Variants in RMND5A observed in about 807,000 individuals in gnomAD.
The protein encoded by RMND5A is E3 ubiquitin-protein transferase RMND5A.
A neutral mutation model predicts 49.7 loss-of-function variants in RMND5A; 17 were observed. The observed-to-expected ratio is 0.34, with a 90% CI of 0.23 to 0.51. The LOEUF is 0.51. RMND5A is among the 20% of genes least tolerant of loss of function. The pLI is 0.96. For synonymous variants in RMND5A, 156 were observed against 167.7 expected, an observed-to-expected ratio of 0.93 and a Z score of 0.54; for missense variants, 255 against 471.3, an observed-to-expected ratio of 0.54 and a Z score of 4.25.
At chr2:86,757,041 C>T (rs1369687384) in intron 4 of RMND5A, among the ~76,000 whole-genome samples, 15 of 152,086 alleles carry the variant, frequency 9.9e-5, no homozygotes, top group African/African-American at 2.7e-4. Context: ...GGTATGGTGG[C>T]GCATGCCTGT....
intron 1 of RMND5A, among the ~76,000 whole-genome samples, chr2:86,729,356 G>A (rs1285661607): frequency 1.3e-5 from 2 of 151,554 alleles, no homozygotes; most frequent in African/African-American, 2.4e-5. Context: ...TATTTCAACT[G>A]AACTTTAGAT....
chr2:86,724,250 A>G (rs1408560131), intron 1 of RMND5A, among the ~76,000 whole-genome samples: 1 of 95,508 alleles, frequency 1.0e-5, no homozygotes, highest in African/African-American at 4.9e-5. Flanking sequence ...TAATAGAAAC[A>G]TGAAGAGGCA....
intron 4 of RMND5A, among the ~76,000 whole-genome samples, chr2:86,755,360 C>A (rs1681715100): frequency 6.6e-6 from 1 of 152,244 alleles, no homozygotes; most frequent in Non-Finnish European, 1.5e-5. Context: ...CTCAAGTGAT[C>A]CTCCTGGAGC....
At position 86,765,848 on chromosome 2, in the gene RMND5A, G is replaced by A; in HGVS notation, c.689-11G>A. The A allele has an allele frequency of 2.5e-6, 4 of 1,612,188 alleles. No homozygotes were observed. The highest frequency in any genetic ancestry group is 3.4e-6 in the Non-Finnish European group (4 of 1,178,908). ...AGCAAACTAATGCTTTCTTGCTGGT[G>A]CTTTTTTTAGACATTCAGGTTTTGA... On this transcript the variant is annotated splice_polypyrimidine_tract_variant and intron_variant, in intron 5 of 8. Coordinates refer to ENST00000283632, the MANE Select transcript of RMND5A (RefSeq NM_022780.4).
chr2:86,744,465 G>A (rs763719030), intron 2 of RMND5A, among the ~76,000 whole-genome samples: 5 of 152,158 alleles, frequency 3.3e-5, no homozygotes, highest in African/African-American at 7.2e-5. Flanking sequence ...CCACTTTATG[G>A]ACACATGCTC....
chr2:86,728,870 C>A (rs1356023699), intron 1 of RMND5A, among the ~76,000 whole-genome samples: 1 of 74,908 alleles, frequency 1.3e-5, no homozygotes, highest in African/African-American at 6.0e-5. Flanking sequence ...TCCCCTGCCT[C>A]AGCCCCCGAG....
At chr2:86,768,319 G>A (rs148127281) in intron 6 of RMND5A, among the ~76,000 whole-genome samples, 1 of 152,264 alleles carries the variant, frequency 6.6e-6, no homozygotes, top group East Asian at 1.9e-4. Flanking sequence ...CCTGCTATGT[G>A]CCAGGCACTG....
chr2:86,770,177 T>G, intron 7 of RMND5A, 52 bp downstream of exon 7: 1 of 1,232,162 alleles, frequency 8.1e-7, no homozygotes, highest in Non-Finnish European at 1.2e-6. Flanking sequence ...TAGAAGAATA[T>G]GGCATCTTTA....
Position 86,770,032 on chromosome 2 carries a change from A to C in RMND5A, c.864A>C (p.Ala288=). 1 of 1,613,626 alleles carries C rather than the reference A, an allele frequency of 6.2e-7. No homozygotes were observed. Among genetic ancestry groups the C allele is most frequent in the African/African-American group, 1.3e-5 (1 of 75,014 alleles). Residue 288 remains alanine (A), a synonymous_variant, in exon 7 of 9, where the codon GCA becomes GCC. Coordinates refer to ENST00000283632, the MANE Select transcript of RMND5A (RefSeq NM_022780.4). ...VESPLSVSFS[A]GCVALPALIN... ...TCTTCTGCTCTCCCAGTTTCTCAGC[A>C]GGTTGTGTGGCGCTGCCAGCTTTAA...
At chr2:86,721,608 TG>T (rs776521022) in intron 1 of RMND5A, among the ~76,000 whole-genome samples, 20 of 151,232 alleles carry the variant, frequency 1.3e-4, no homozygotes, top group Admixed American at 2.7e-4. Flanking sequence ...TCACCTAGAT[TG>T]TTTTTTTTTT....
At chr2:86,762,747 A>G (rs1672525196) in intron 4 of RMND5A, among the ~76,000 whole-genome samples, 1 of 136,648 alleles carries the variant, frequency 7.3e-6, no homozygotes. Flanking sequence ...ATATATATAT[A>G]TCACACTTTC....
rs1000946323 is a variant in RMND5A, at chr2:86,754,708, G to A, written c.521+1150G>A. On this transcript the variant is annotated intron_variant, in intron 4 of 8. Transcript: ENST00000283632. ...GTAGTTGGGACTACAGGACTGTGCC[G>A]TTATGCCCAGCTAATTAAAAAAAAT... 1.8e-4 allele frequency among the ~76,000 whole-genome samples: 28 copies of A among 151,956 alleles called. No homozygotes were observed. In the South Asian group the frequency reaches 1.9e-3, roughly 10 times the overall value.
intron 2 of RMND5A, among the ~76,000 whole-genome samples, chr2:86,748,903 A>C (rs944867529): frequency 6.6e-6 from 1 of 152,208 alleles, no homozygotes; most frequent in African/African-American, 2.4e-5. Context: ...TAGAAACCTG[A>C]AGGTTGTATT....
chr2:86,763,729 T>C (rs1672544448), intron 4 of RMND5A, among the ~76,000 whole-genome samples: 1 of 151,976 alleles, frequency 6.6e-6, no homozygotes, highest in African/African-American at 2.4e-5. Context: ...TGAGCCACGA[T>C]TACACTACTG....
rs56328788 is a variant in RMND5A at position 86,771,536 on chromosome 2, CTT to C, written c.958-7_958-6del. On this transcript the variant is annotated intron_variant, in intron 7 of 8. Coordinates refer to ENST00000283632, the MANE Select transcript of RMND5A (RefSeq NM_022780.4). ...GTGAAATATGACTTCAGCTTTTTTA[CTT>C]TTTTTTTTTTTTTTAACAGATTGAA... is the stretch of plus-strand genomic sequence containing the variant. 0.1 allele frequency: 135,145 copies of C among 1,319,714 alleles called. 42 individuals carry two copies. Among genetic ancestry groups the C allele is most frequent in the East Asian group, 0.19 (6,606 of 34,466 alleles). The allele number at this position is 1,319,714 out of a possible 1,614,324, so 81.8% of individuals were successfully genotyped here.
intron 1 of RMND5A, among the ~76,000 whole-genome samples, chr2:86,729,695 C>A: frequency 1.1e-5 from 1 of 92,302 alleles, no homozygotes; most frequent in Non-Finnish European, 2.6e-5. Flanking sequence ...GGGAGGATGG[C>A]AAGAACAAAG....
At chr2:86,762,535 C>T (rs939325014) in intron 4 of RMND5A, among the ~76,000 whole-genome samples, 1 of 151,764 alleles carries the variant, frequency 6.6e-6, no homozygotes, top group Non-Finnish European at 1.5e-5. Context: ...GTCCCACCTA[C>T]TTGGGAGGCC....
chr2:86,754,601 C>G (rs1370103101), intron 4 of RMND5A, among the ~76,000 whole-genome samples: 1 of 152,196 alleles, frequency 6.6e-6, no homozygotes, highest in Non-Finnish European at 1.5e-5. Context: ...CAGGGTCTCA[C>G]TGTCACCCAG....
At chr2:86,769,825 G>A (rs924188717) in intron 6 of RMND5A, among the ~76,000 whole-genome samples, 198 bp from the exon 7 acceptor site, 3 of 152,130 alleles carry the variant, frequency 2.0e-5, no homozygotes, top group African/African-American at 7.2e-5. Context: ...CAGTGGGCCT[G>A]GGGAAGAAGG....
Sources: gnomAD v4.1 joint callset for allele counts (sites outside exome capture counted in the v4.1 genomes callset) on GRCh38, gnomAD v4.1.1 for gene constraint, MANE v1.5 for transcripts, NCBI Gene and HGNC (gene_info 2026-07-23, HGNC 2026-07-21) for gene names.